HEMK2: variants seen among roughly 807,000 people sequenced by gnomAD.
The protein encoded by HEMK2 is HemK methyltransferase 2, ETF1 glutamine and histone H4 lysine, also known as methyltransferase HEMK2.
chr21:28,616,855 T>A, the HEMK2 span, among the ~76,000 whole-genome samples: 1 of 152,194 alleles, frequency 6.6e-6, no homozygotes, highest in Non-Finnish European at 1.5e-5. Context: ...CTAACCATCG[T>A]GGCAGGCAAT....
the HEMK2 span, among the ~76,000 whole-genome samples, chr21:28,683,310 C>CTGTTCATCTG: frequency 6.6e-6 from 1 of 152,016 alleles, no homozygotes. Context: ...GAACAATATT[C>CTGTTCATCTG]ATAAAGAAAT....
the HEMK2 span, among the ~76,000 whole-genome samples, chr21:28,597,573 A>G: frequency 1.3e-5 from 2 of 152,358 alleles, no homozygotes; most frequent in South Asian, 4.1e-4. Flanking sequence ...TATATGGAAT[A>G]CATCATTAAC....
At chr21:28,741,160 G>C in the HEMK2 span, among the ~76,000 whole-genome samples, 12 of 152,078 alleles carry the variant, frequency 7.9e-5, no homozygotes, top group African/African-American at 2.9e-4. Context: ...TGGGTCCCAT[G>C]GGAAGAAATG....
the HEMK2 span, among the ~76,000 whole-genome samples, chr21:28,598,670 C>A: frequency 6.6e-6 from 1 of 152,192 alleles, no homozygotes; most frequent in Non-Finnish European, 1.5e-5. Flanking sequence ...TCCGCAAGTC[C>A]TTCTAGTAAA....
chr21:28,786,909 CAG>C, the HEMK2 span, among the ~76,000 whole-genome samples: 306 of 152,164 alleles, frequency 2.0e-3, 4 homozygotes, highest in African/African-American at 7.0e-3. Flanking sequence ...TCATTCTTCA[CAG>C]AGTTAGAAAA....
At chr21:28,620,725 G>C in the HEMK2 span, among the ~76,000 whole-genome samples, 1 of 121,256 alleles carries the variant, frequency 8.2e-6, no homozygotes, top group African/African-American at 3.2e-5. Flanking sequence ...CCATGCTAGA[G>C]TGCAGTGGTG....
chr21:28,688,196 T>C, the HEMK2 span, among the ~76,000 whole-genome samples: 1 of 152,166 alleles, frequency 6.6e-6, no homozygotes, highest in Non-Finnish European at 1.5e-5. Context: ...TTGAAGACAA[T>C]AAAGAATGAG....
chr21:28,760,038 A>ACTT, the HEMK2 span, among the ~76,000 whole-genome samples: 4 of 152,094 alleles, frequency 2.6e-5, no homozygotes, highest in Admixed American at 6.6e-5. Flanking sequence ...TATTTTCTGG[A>ACTT]CTTCTTTCCT....
At chr21:28,831,726 G>GAAA in the HEMK2 span, among the ~76,000 whole-genome samples, 158 of 38,742 alleles carry the variant, frequency 4.1e-3, 8 homozygotes, top group Admixed American at 8.6e-3. Context: ...AAGGAAGGAA[G>GAAA]GAAGGAAGGA....
the HEMK2 span, among the ~76,000 whole-genome samples, chr21:28,798,393 G>A: frequency 9.2e-5 from 14 of 152,166 alleles, no homozygotes; most frequent in African/African-American, 3.1e-4. Context: ...TCTGCAAAAT[G>A]AGCATATAGG....
chr21:28,689,063 TA>T, the HEMK2 span, among the ~76,000 whole-genome samples: 1 of 152,104 alleles, frequency 6.6e-6, no homozygotes, highest in Non-Finnish European at 1.5e-5. Flanking sequence ...CCGGTGTAGA[TA>T]AAGTATAACA....
the HEMK2 span, among the ~76,000 whole-genome samples, chr21:28,786,441 C>T: frequency 2.6e-5 from 4 of 152,066 alleles, no homozygotes; most frequent in African/African-American, 7.2e-5. Flanking sequence ...GAGGCTGAGG[C>T]GGGCAGATTA....
At chr21:28,819,786 G>A in the HEMK2 span, among the ~76,000 whole-genome samples, 16 of 151,904 alleles carry the variant, frequency 1.1e-4, no homozygotes, top group Admixed American at 1.0e-3. Context: ...TTGACCCCAT[G>A]ATCCACCCAC....
At chr21:28,802,406 A>C in the HEMK2 span, among the ~76,000 whole-genome samples, 1 of 152,308 alleles carries the variant, frequency 6.6e-6, no homozygotes, top group South Asian at 2.1e-4. Flanking sequence ...TACCAGTTAC[A>C]TAGAGAGGGA....
chr21:28,882,355 G>GA, the HEMK2 span: 22,218 of 549,448 alleles, frequency 0.04, 6 homozygotes, highest in South Asian at 0.056. Context: ...AACAGATTTA[G>GA]AAAAAAAAAA....
At chr21:28,582,379 T>G in the HEMK2 span, among the ~76,000 whole-genome samples, 4 of 152,330 alleles carry the variant, frequency 2.6e-5, no homozygotes, top group African/African-American at 9.6e-5. Flanking sequence ...GTTCTTTGAT[T>G]TGATGTCATG....
the HEMK2 span, among the ~76,000 whole-genome samples, chr21:28,694,871 G>A: frequency 7.9e-5 from 12 of 152,038 alleles, no homozygotes; most frequent in South Asian, 1.2e-3. Flanking sequence ...GGTGGCGGGC[G>A]CCTATAGTCT....
chr21:28,880,928 TAAAAA>T, the HEMK2 span, among the ~76,000 whole-genome samples: 19 of 104,436 alleles, frequency 1.8e-4, no homozygotes, highest in African/African-American at 8.8e-4. Context: ...ATCATTTATT[TAAAAA>T]AAAAAAAAAA....
chr21:28,794,227 TCTAC>T, the HEMK2 span, among the ~76,000 whole-genome samples: 22 of 152,218 alleles, frequency 1.4e-4, no homozygotes, highest in Non-Finnish European at 2.9e-4. Context: ...TACTTCACTG[TCTAC>T]CTACAATTTT....
Sources: gnomAD v4.1 joint callset for allele counts (sites outside exome capture counted in the v4.1 genomes callset) on GRCh38, gnomAD v4.1.1 for gene constraint, MANE v1.5 for transcripts, NCBI Gene and HGNC (gene_info 2026-07-23, HGNC 2026-07-21) for gene names.